The following MBOAT2 variants were observed in gnomAD, a reference collection of about 807,000 sequenced individuals.
MBOAT2 encodes membrane-bound glycerophospholipid O-acyltransferase 2.
A neutral mutation model predicts 63.4 loss-of-function variants in MBOAT2; 28 were observed. The observed-to-expected ratio is 0.44, with a 90% CI of 0.33 to 0.61. The LOEUF (loss-of-function observed/expected upper bound fraction) is 0.61. MBOAT2 is among the 20% of genes least tolerant of loss of function. MBOAT2 has a pLI of 0.03. For synonymous variants in MBOAT2, 211 were observed against 215.6 expected (o/e 0.98, Z 0.19); for missense variants, 470 against 605.8 (o/e 0.78, Z 2.35).
chr2:8,919,976 G>C (rs1157424364), intron 3 of MBOAT2, among the ~76,000 whole-genome samples: 1 of 152,072 alleles, frequency 6.6e-6, no homozygotes, highest in Non-Finnish European at 1.5e-5. Context: ...ATGTTGCCCA[G>C]GCTGGTCTCA....
chr2:8,910,705 G>T (rs950557284), intron 3 of MBOAT2, among the ~76,000 whole-genome samples: 2 of 152,156 alleles, frequency 1.3e-5, no homozygotes, highest in Admixed American at 1.3e-4. Context: ...AAAGGAGGCT[G>T]TCTAAAAGAG....
At chr2:8,994,794 C>T (rs1006340286) in intron 1 of MBOAT2, among the ~76,000 whole-genome samples, 1 of 152,180 alleles carries the variant, frequency 6.6e-6, no homozygotes, top group Non-Finnish European at 1.5e-5. Context: ...ATCAAGGAGG[C>T]ATAGGCTTTA....
intron 2 of MBOAT2, among the ~76,000 whole-genome samples, chr2:8,951,750 T>C (rs1188255172): frequency 6.6e-6 from 1 of 152,260 alleles, no homozygotes; most frequent in East Asian, 1.9e-4. Context: ...GAGGATCTTT[T>C]TGTATTTCTG....
intron 1 of MBOAT2, among the ~76,000 whole-genome samples, chr2:8,963,314 T>G (rs1239408368): frequency 6.6e-6 from 1 of 152,108 alleles, no homozygotes. Flanking sequence ...AACTAATTTT[T>G]TTTTCTTTGA....
intron 1 of MBOAT2, among the ~76,000 whole-genome samples, chr2:8,967,474 A>G (rs1017959903): frequency 2.0e-5 from 3 of 152,236 alleles, no homozygotes; most frequent in East Asian, 3.8e-4. Context: ...ACATTCTTGG[A>G]TGGGAAGACT....
chr2:8,937,829 C>T (rs1042087986), intron 3 of MBOAT2, among the ~76,000 whole-genome samples: 3 of 152,302 alleles, frequency 2.0e-5, no homozygotes, highest in Admixed American at 6.5e-5. Context: ...AGGCACTCTG[C>T]TAGGCCCTGG....
chr2:8,903,819 C>T (rs1394038283), intron 4 of MBOAT2, among the ~76,000 whole-genome samples: 3 of 152,124 alleles, frequency 2.0e-5, no homozygotes, highest in East Asian at 1.9e-4. Flanking sequence ...GCTTTACAGA[C>T]GGCAGTATGT....
At chr2:8,932,798 T>TC (rs1667411611) in intron 3 of MBOAT2, among the ~76,000 whole-genome samples, 2 of 150,440 alleles carry the variant, frequency 1.3e-5, no homozygotes, top group Admixed American at 1.3e-4. Flanking sequence ...TAGAAATCAC[T>TC]CCATCATTCA....
At chr2:8,929,581 G>C (rs73157434) in intron 3 of MBOAT2, among the ~76,000 whole-genome samples, 1,785 of 152,310 alleles carry the variant, frequency 0.012, 33 homozygotes, top group African/African-American at 0.04. Flanking sequence ...TTCAACTCTT[G>C]AGCTCAAGCG....
intron 1 of MBOAT2, among the ~76,000 whole-genome samples, chr2:8,996,126 G>C (rs1011216975): frequency 6.6e-6 from 1 of 152,136 alleles, no homozygotes; most frequent in Non-Finnish European, 1.5e-5. Context: ...AAAATGCACC[G>C]CAATGGCTCG....
intron 2 of MBOAT2, among the ~76,000 whole-genome samples, chr2:8,957,405 T>C (rs1346766293): frequency 6.6e-6 from 1 of 152,196 alleles, no homozygotes; most frequent in East Asian, 1.9e-4. Flanking sequence ...CTAACCACTA[T>C]CTACCAGGGC....
At chr2:8,866,981 C>T (rs920989923) in intron 9 of MBOAT2, among the ~76,000 whole-genome samples, 2 of 152,174 alleles carry the variant, frequency 1.3e-5, no homozygotes, top group Non-Finnish European at 2.9e-5. Flanking sequence ...AGCTTGGCCT[C>T]TTCACCTCAA....
At position 8,858,701 on chromosome 2, in the gene MBOAT2, C is replaced by G. The variant is rs749156955; in HGVS notation, c.1541G>C (p.Arg514Thr). The G allele has an allele frequency of 2.5e-6, 4 of 1,611,924 alleles. No homozygotes were observed. Among genetic ancestry groups the G allele is most frequent in the African/African-American group, 1.3e-5 (1 of 74,566 alleles). ...VCNQNQEIAS[R>T]HSSLKQ ...CGATCACTGCTTTAGTGATGAATGT[C>G]TCGAGGCTATTTCTTGATTCTGATT... is the stretch of plus-strand genomic sequence containing the variant. The change falls in exon 13 of 13, where the codon AGA becomes ACA. Residue 514 changes from arginine to threonine, a missense_variant. Transcript: ENST00000305997.
intron 1 of MBOAT2, among the ~76,000 whole-genome samples, chr2:8,983,063 G>C (rs994216839): frequency 6.6e-6 from 1 of 151,974 alleles, no homozygotes. Context: ...AGCAAATTCT[G>C]AAGTGTGTAA....
chr2:8,908,821 T>C, intron 3 of MBOAT2, 105 bp from the exon 4 acceptor site: 1 of 658,196 alleles, frequency 1.5e-6, no homozygotes, highest in African/African-American at 1.8e-5. Context: ...AGAAATTAAA[T>C]ATTACTAGAT....
chr2:8,926,640 GC>G (rs1294714744), intron 3 of MBOAT2, among the ~76,000 whole-genome samples: 3 of 152,352 alleles, frequency 2.0e-5, no homozygotes. Context: ...GGAAAGGAAG[GC>G]AGGGGCAGTC....
intron 1 of MBOAT2, among the ~76,000 whole-genome samples, chr2:8,974,029 TAGC>T (rs1265205688): frequency 6.6e-6 from 1 of 152,180 alleles, no homozygotes; most frequent in African/African-American, 2.4e-5. Context: ...GAATGCTCTC[TAGC>T]CATCACAAAG....
chr2:9,002,894 G>A (rs981613589), intron 1 of MBOAT2, among the ~76,000 whole-genome samples: 2 of 152,170 alleles, frequency 1.3e-5, no homozygotes, highest in African/African-American at 4.8e-5. Flanking sequence ...AGAATCCTGG[G>A]ATTAACTCCG....
At chr2:8,906,300 T>C (rs936955263) in intron 4 of MBOAT2, among the ~76,000 whole-genome samples, 2 of 152,236 alleles carry the variant, frequency 1.3e-5, no homozygotes, top group Non-Finnish European at 2.9e-5. Flanking sequence ...CAGCTGTTTT[T>C]TAAACATGCA....
Sources: allele counts gnomAD v4.1 joint callset (sites outside exome capture counted in the v4.1 genomes callset), GRCh38; gene constraint gnomAD v4.1.1; transcripts MANE v1.5; gene names NCBI Gene and HGNC (gene_info 2026-07-23, HGNC 2026-07-21).